NKAIN2: variants seen among roughly 807,000 people sequenced by gnomAD.
NKAIN2 encodes the protein sodium/potassium-transporting ATPase subunit beta-1-interacting protein 2.
A neutral mutation model predicts 32.6 loss-of-function variants in NKAIN2; 14 were observed. That is an observed-to-expected ratio of 0.43 (90% CI 0.28 to 0.67). NKAIN2 has a LOEUF of 0.67. NKAIN2 is among the 30% of genes least tolerant of loss of function. NKAIN2 has a pLI of 0.17. For missense variants in NKAIN2, 198 were observed against 258.3 expected (o/e 0.77, Z 1.60); for synonymous variants, 80 against 87.2 (o/e 0.92, Z 0.46).
rs191982901 is a variant in NKAIN2 at position 124,718,098 on chromosome 6, T to C, written c.474+59712T>C. ...TACCAAGGTATAATTCCACATACTA[T>C]GAAATTCACCAAAACAAAGGTTGAA... is the stretch of plus-strand genomic sequence containing the variant. On this transcript the variant is annotated intron_variant, in intron 4 of 6. Coordinates refer to ENST00000368417, the MANE Select transcript of NKAIN2 (RefSeq NM_001040214.3). Among the ~76,000 whole-genome samples, 155 of 152,280 alleles carry C rather than the reference T, an allele frequency of 1.0e-3. 1 individual carries two copies. Among genetic ancestry groups the C allele is most frequent in the African/African-American group, 3.6e-3 (148 of 41,558 alleles).
At chr6:123,947,652 T>A (rs941981390) in intron 1 of NKAIN2, among the ~76,000 whole-genome samples, 1 of 152,172 alleles carries the variant, frequency 6.6e-6, no homozygotes, top group Admixed American at 6.5e-5. Context: ...TACCTATTTA[T>A]GGGGTACAGG....
rs1313211617 is a variant in NKAIN2, at chr6:124,290,511, TGTGTGTGTGTG to T, written c.192+7370_192+7380del. On this transcript the variant is annotated intron_variant, in intron 2 of 6. Transcript: ENST00000368417. Reference sequence around the variant, plus strand: ...AGTTCTTCTGGGGTTACCTCAGAAATGTGTGTGTGTGTGTGTGTGTGTGTGTGTGTGTGTGT... The same window carrying T: ...AGTTCTTCTGGGGTTACCTCAGAAATTGTGTGTGTGTGTGTGTGTGTGTGT... 3.4e-3 allele frequency among the ~76,000 whole-genome samples: 54 copies of T among 16,028 alleles called. 1 individual carries two copies. The highest frequency in any genetic ancestry group is 0.017 in the African/African-American group (54 of 3,194). The allele number at this position is 16,028 out of a possible 152,430, so 10.5% of individuals were successfully genotyped here. A position where few individuals can be genotyped will look rare whatever the true frequency, so the allele number is the denominator to read the frequency against.
intron 4 of NKAIN2, among the ~76,000 whole-genome samples, chr6:124,739,003 A>G (rs1222921645): frequency 2.0e-5 from 3 of 151,922 alleles, no homozygotes; most frequent in Non-Finnish European, 4.4e-5. Context: ...TGTTTAATAT[A>G]TTCTCTTAAA....
chr6:124,007,100 A>T (rs372332276), intron 1 of NKAIN2, among the ~76,000 whole-genome samples: 166 of 152,314 alleles, frequency 1.1e-3, no homozygotes, highest in African/African-American at 3.8e-3. Flanking sequence ...GGTATGGCCT[A>T]GTGCTACCAG....
chr6:124,067,797 C>T (rs1037293796), intron 1 of NKAIN2, among the ~76,000 whole-genome samples: 2 of 152,136 alleles, frequency 1.3e-5, no homozygotes, highest in Non-Finnish European at 2.9e-5. Flanking sequence ...GATGACTTCA[C>T]AGGGCAAATG....
intron 1 of NKAIN2, among the ~76,000 whole-genome samples, chr6:123,869,608 A>C (rs1451411671): frequency 6.6e-6 from 1 of 152,204 alleles, no homozygotes; most frequent in Non-Finnish European, 1.5e-5. Flanking sequence ...GAAGTCATTC[A>C]ATTGGATTCA....
rs564103208 is a variant in NKAIN2 at position 124,658,406 on chromosome 6, C to T, written c.474+20C>T. The T allele has an allele frequency of 1.6e-5, 26 of 1,614,064 alleles. No individual in the cohort carries two copies. The highest frequency in any genetic ancestry group is 1.1e-4 in the East Asian group (5 of 44,860). ...CTCGCAGTAAGTGTTGGCAGCCAAC[C>T]GCTCCTTCTAGTGCCTCTGGGGTTG... On this transcript the variant is annotated intron_variant, in intron 4 of 6. Coordinates refer to ENST00000368417, the MANE Select transcript of NKAIN2 (RefSeq NM_001040214.3).
At chr6:124,804,491 T>A (rs780627787) in intron 5 of NKAIN2, 23 of 948,094 alleles carry the variant, frequency 2.4e-5, no homozygotes, top group Middle Eastern at 5.3e-4. Context: ...AAGCTTAAAA[T>A]ATTAAAGATC....
intron 4 of NKAIN2, among the ~76,000 whole-genome samples, chr6:124,749,893 G>T (rs1230743636): frequency 6.6e-6 from 1 of 151,512 alleles, no homozygotes; most frequent in African/African-American, 2.4e-5. Context: ...CAAAATACTT[G>T]CAAAATTCTG....
At chr6:124,253,378 A>C (rs1386475128) in intron 1 of NKAIN2, among the ~76,000 whole-genome samples, 4 of 152,206 alleles carry the variant, frequency 2.6e-5, no homozygotes, top group Admixed American at 2.0e-4. Context: ...GTAGATTCTA[A>C]TTGTTTACAC....
At chr6:124,199,245 G>T (rs1055987087) in intron 1 of NKAIN2, among the ~76,000 whole-genome samples, 2 of 152,144 alleles carry the variant, frequency 1.3e-5, no homozygotes, top group Non-Finnish European at 2.9e-5. Context: ...TTTTAAGAAG[G>T]AAGTAGAAGA....
chr6:124,486,223 G>A (rs1435202445), intron 3 of NKAIN2, among the ~76,000 whole-genome samples: 1 of 152,120 alleles, frequency 6.6e-6, no homozygotes, highest in Non-Finnish European at 1.5e-5. Context: ...GAAACGTGAC[G>A]TCTGTCTCCT....
chr6:123,987,356 G>A (rs762358534), intron 1 of NKAIN2, among the ~76,000 whole-genome samples: 1 of 152,052 alleles, frequency 6.6e-6, no homozygotes, highest in Non-Finnish European at 1.5e-5. Context: ...CGTTTTGAAG[G>A]TATTGAAATT....
intron 1 of NKAIN2, among the ~76,000 whole-genome samples, chr6:124,149,761 C>T (rs1454695622): frequency 6.6e-6 from 1 of 152,022 alleles, no homozygotes; most frequent in Non-Finnish European, 1.5e-5. Flanking sequence ...CCGGGTCTGT[C>T]CTGCAGACCC....
chr6:123,952,379 T>A (rs1459910032), intron 1 of NKAIN2, among the ~76,000 whole-genome samples: 1 of 152,148 alleles, frequency 6.6e-6, no homozygotes, highest in Non-Finnish European at 1.5e-5. Context: ...ACAGAGAAAG[T>A]TGCATTGTAT....
At chr6:124,797,259 T>G (rs1780043275) in intron 5 of NKAIN2, among the ~76,000 whole-genome samples, 1 of 152,016 alleles carries the variant, frequency 6.6e-6, no homozygotes, top group Admixed American at 6.6e-5. Context: ...ATCACTGGCT[T>G]AATAGTTAAA....
chr6:124,020,684 T>C (rs990226625), intron 1 of NKAIN2, among the ~76,000 whole-genome samples: 1 of 152,188 alleles, frequency 6.6e-6, no homozygotes, highest in Non-Finnish European at 1.5e-5. Context: ...TGTTTTACAG[T>C]TCTGAATACT....
intron 1 of NKAIN2, among the ~76,000 whole-genome samples, chr6:124,117,607 C>T (rs1219719738): frequency 6.6e-6 from 1 of 152,032 alleles, no homozygotes; most frequent in African/African-American, 2.4e-5. Context: ...ACATATGTAA[C>T]AAACCTGCAC....
chr6:124,267,284 T>C (rs552149693), intron 1 of NKAIN2, among the ~76,000 whole-genome samples: 1 of 152,198 alleles, frequency 6.6e-6, no homozygotes, highest in East Asian at 1.9e-4. Context: ...ATGAAAGATA[T>C]CAAAAATGCT....
Sources: allele counts gnomAD v4.1 joint callset (sites outside exome capture counted in the v4.1 genomes callset), GRCh38; gene constraint gnomAD v4.1.1; transcripts MANE v1.5; gene names NCBI Gene and HGNC (gene_info 2026-07-23, HGNC 2026-07-21).